The following NUP155 variants were observed in gnomAD, a reference collection of about 807,000 sequenced individuals.
NUP155 encodes the protein nuclear pore complex protein Nup155.
In NUP155, 71 loss-of-function variants were observed where a neutral mutation model predicts 180.4. The ratio of observed to expected loss-of-function variants is 0.39; its 90% CI spans 0.33 to 0.48. The LOEUF (loss-of-function observed/expected upper bound fraction) is 0.48, where lower values mean the gene tolerates loss of function less well. NUP155 is among the 20% of genes least tolerant of loss of function. The pLI is 0.91. For missense variants in NUP155, 1,553 were observed against 1,648.9 expected, an observed-to-expected ratio of 0.94 and a Z score of 1.01; for synonymous variants, 582 against 559.5, an observed-to-expected ratio of 1.04 and a Z score of -0.57.
chr5:37,303,351 G>C lies in NUP155; in HGVS notation c.3226C>G (p.Arg1076Gly). 6.2e-7 allele frequency: 1 copy of C among 1,613,918 alleles called. No homozygotes were observed. The highest frequency in any genetic ancestry group is 8.5e-7 in the Non-Finnish European group (1 of 1,179,876). ...TACCGCCAGAGTAAATCCATATAACGAACTCTGTTTTGATCAACTTTGGCC... is the reference window on the plus strand; with the variant it reads ...TACCGCCAGAGTAAATCCATATAACCAACTCTGTTTTGATCAACTTTGGCC... ...RMAKVDQNRV[R>G]YMDLLWRYYE... Residue 1076 changes from arginine (R) to glycine (G), a missense_variant, in exon 28 of 35, where the codon CGT becomes GGT. Transcript: ENST00000231498.
In NUP155 at chr5:37,358,163, T is replaced by C. The variant is rs1372009040; in HGVS notation, c.393-12A>G. ...AGGCAAGGTCTCCTCTGTGAATAAA[T>C]GAAGAAAAACATGTTACACATATAA... On this transcript the variant is annotated splice_polypyrimidine_tract_variant and intron_variant, in intron 3 of 34. Transcript: ENST00000231498. 4 of 1,598,728 alleles carry C rather than the reference T, an allele frequency of 2.5e-6. No homozygotes were observed. The highest frequency in any genetic ancestry group is 1.3e-5 in the African/African-American group (1 of 74,690).
chr5:37,354,129 T>C (rs1272645515), intron 4 of NUP155, among the ~76,000 whole-genome samples: 1 of 152,224 alleles, frequency 6.6e-6, no homozygotes, highest in Middle Eastern at 3.2e-3. Flanking sequence ...TTAGATTCTA[T>C]GTAAAGGACA....
rs546826801 is a variant in NUP155 at position 37,291,609 on chromosome 5, T to G, written c.*291A>C. On this transcript the variant is annotated 3_prime_UTR_variant, in exon 35 of 35. Coordinates refer to ENST00000231498, the MANE Select transcript of NUP155 (RefSeq NM_153485.3). ...AAAATGAATAATATAAATTCGAAAT[T>G]TCTGCCTGCAGTACAATTCAAAATA... 71 of 259,486 alleles carry G rather than the reference T, an allele frequency of 2.7e-4. No homozygotes were observed. Among genetic ancestry groups the G allele is most frequent in the Non-Finnish European group, 4.0e-4 (54 of 134,596 alleles). The allele number at this position is 259,486 out of a possible 1,614,324, so 16.1% of individuals were successfully genotyped here. A position where few individuals can be genotyped will look rare whatever the true frequency, so the allele number is the denominator to read the frequency against.
At chr5:37,318,176 T>TA (rs1744023522) in intron 20 of NUP155, 91 bp from the exon 21 acceptor site, 1 of 872,178 alleles carries the variant, frequency 1.1e-6, no homozygotes, top group African/African-American at 1.7e-5. Context: ...ATATGTTTAC[T>TA]TTTTTTAAAT....
At chr5:37,322,790 T>C (rs1018788847) in intron 20 of NUP155, among the ~76,000 whole-genome samples, 5 of 147,166 alleles carry the variant, frequency 3.4e-5, no homozygotes, top group Admixed American at 6.9e-5. Context: ...CTGGCCAACA[T>C]AGTGAAACTC....
At chr5:37,352,322 C>T (rs2111604880) in intron 5 of NUP155, among the ~76,000 whole-genome samples, 1 of 152,192 alleles carries the variant, frequency 6.6e-6, no homozygotes. Flanking sequence ...TGCACCACTA[C>T]ACTCCAGCCC....
intron 4 of NUP155, among the ~76,000 whole-genome samples, chr5:37,357,399 C>CA (rs397997409): frequency 0.37 from 11,471 of 31,378 alleles, 3,371 homozygotes; most frequent in Non-Finnish European, 0.41. Context: ...ACCTTAATCT[C>CA]AAAAAAAAAA....
chr5:37,332,168 C>CAAA lies in NUP155; in HGVS notation c.1519-376_1519-374dup, dbSNP rs11305356. ...TTGCTACTATTTATATCAATTTAGG[C>CAAA]AAAAAAAAAAAAAAAAAAAGCTAGA... On this transcript the variant is annotated intron_variant, in intron 13 of 34. Coordinates refer to ENST00000231498, the MANE Select transcript of NUP155 (RefSeq NM_153485.3). Among the ~76,000 whole-genome samples the CAAA allele has an allele frequency of 1.8e-3, 177 of 100,088 alleles. 1 individual carries two copies. The highest frequency in any genetic ancestry group is 5.6e-3 in the Admixed American group (51 of 9,154). 65.7% of individuals were successfully genotyped at this position (100,088 alleles called of 152,430 possible).
Position 37,365,732 on chromosome 5 carries a change from A to T in NUP155, c.158-1348T>A, listed in dbSNP as rs1312363664. 3.0e-3 allele frequency among the ~76,000 whole-genome samples: 161 copies of T among 52,984 alleles called. 6 individuals carry two copies. The highest frequency in any genetic ancestry group is 8.1e-3 in the African/African-American group (133 of 16,370). The allele number at this position is 52,984 out of a possible 152,430, so 34.8% of individuals were successfully genotyped here. A position where few individuals can be genotyped will look rare whatever the true frequency, so the allele number is the denominator to read the frequency against. ...CGGGGAGAAAAAAAAAAAAAAAAAA[A>T]AAAAAAATATATATATATATACACA... is the stretch of plus-strand genomic sequence containing the variant. On this transcript the variant is annotated intron_variant, in intron 1 of 34. Coordinates refer to ENST00000231498, the MANE Select transcript of NUP155 (RefSeq NM_153485.3).
rs1747518236 is a variant in NUP155, at chr5:37,365,711, G to GAAAAAAAAAAAAA, written c.158-1328_158-1327insTTTTTTTTTTTTT. ...TGACAGAGCAAGACTCTGTCTCGGG[G>GAAAAAAAAAAAAA]AGAAAAAAAAAAAAAAAAAAAAAAA... is the stretch of plus-strand genomic sequence containing the variant. On this transcript the variant is annotated intron_variant, in intron 1 of 34. Transcript: ENST00000231498. 1.2e-4 allele frequency among the ~76,000 whole-genome samples: 4 copies of GAAAAAAAAAAAAA among 34,004 alleles called. 2 individuals are homozygous for GAAAAAAAAAAAAA. Among genetic ancestry groups the GAAAAAAAAAAAAA allele is most frequent in the African/African-American group, 6.3e-4 (4 of 6,306 alleles). 22.3% of individuals were successfully genotyped at this position (34,004 alleles called of 152,430 possible).
At position 37,351,336 on chromosome 5, in the gene NUP155, T is replaced by C; in HGVS notation, c.577A>G (p.Ser193Gly). 1 of 1,612,050 alleles carries C rather than the reference T, an allele frequency of 6.2e-7. No individual in the cohort carries two copies. The highest frequency in any genetic ancestry group is 8.5e-7 in the Non-Finnish European group (1 of 1,178,320). ...LQTGSGVLND[S>G]LSGGMQLLPD... is the part of the protein sequence containing the mutation. ...AGCAACTGCATTCCACCAGACAAAC[T>C]ATCATTAAGAACTCCAGAACCTATT... is the stretch of plus-strand genomic sequence containing the variant. Residue 193 changes from serine to glycine, a missense_variant, in exon 6 of 35, where the codon AGT (serine) becomes GGT (glycine). Transcript: ENST00000231498.
At chr5:37,310,848 A>G in intron 22 of NUP155, 105 bp from the exon 23 acceptor site, 1 of 956,102 alleles carries the variant, frequency 1.0e-6, no homozygotes, top group Non-Finnish European at 1.5e-6. Context: ...AATAGACTCT[A>G]TAATTGAAAA....
chr5:37,314,783 G>A (rs752702496), intron 21 of NUP155, among the ~76,000 whole-genome samples: 9 of 151,820 alleles, frequency 5.9e-5, no homozygotes, highest in Non-Finnish European at 8.8e-5. Flanking sequence ...GAGCCTGGGC[G>A]ACAGAGCAAG....
At chr5:37,309,088 T>C (rs1743359925) in intron 24 of NUP155, 41 bp downstream of exon 24, 1 of 1,603,182 alleles carries the variant, frequency 6.2e-7, no homozygotes. Flanking sequence ...TGTTTGTCTT[T>C]TGAGTTGAGT....
At chr5:37,333,664 C>A in intron 12 of NUP155, 31 bp from the exon 13 acceptor site, 1 of 1,564,542 alleles carries the variant, frequency 6.4e-7, no homozygotes, top group Non-Finnish European at 8.8e-7. Flanking sequence ...TTTTATACAT[C>A]ATATTGAAGT....
chr5:37,308,827 C>G (rs973440396), intron 24 of NUP155, among the ~76,000 whole-genome samples: 1 of 142,682 alleles, frequency 7.0e-6, no homozygotes, highest in Admixed American at 7.4e-5. Flanking sequence ...ATGCAGTGAG[C>G]TGAGATCGTG....
chr5:37,363,084 G>A (rs981059557), intron 3 of NUP155, among the ~76,000 whole-genome samples: 10 of 152,118 alleles, frequency 6.6e-5, no homozygotes, highest in African/African-American at 2.2e-4. Context: ...GCTAATTTTT[G>A]TATTTTTAGT....
chr5:37,370,841 A>G lies in NUP155; in HGVS notation c.137T>C (p.Leu46Pro). 6.2e-7 allele frequency: 1 copy of G among 1,614,216 alleles called. No homozygotes were observed. Among genetic ancestry groups the G allele is most frequent in the Admixed American group, 1.7e-5 (1 of 60,018 alleles). The part of the protein sequence containing the change: ...EDRMYPDLSE[L>P]LMVSAPNNPT... ...CTCACTTGGGGCAGACACCATAAGC[A>G]GCTCGGAAAGGTCCGGGTACATGCG... Residue 46 changes from leucine to proline, a missense_variant, in exon 1 of 35, where the codon CTG (leucine) becomes CCG (proline). By Grantham distance (98) the Leu-to-Pro change is moderately conservative (BLOSUM62 -3). Transcript: ENST00000231498.
chr5:37,355,467 T>C (rs958229711), intron 4 of NUP155, among the ~76,000 whole-genome samples: 1 of 150,860 alleles, frequency 6.6e-6, no homozygotes, highest in Non-Finnish European at 1.5e-5. Context: ...CCAAGGTGAC[T>C]CCACTGTACT....
Sources: gnomAD v4.1 joint callset for allele counts (sites outside exome capture counted in the v4.1 genomes callset) on GRCh38, gnomAD v4.1.1 for gene constraint, MANE v1.5 for transcripts, NCBI Gene and HGNC (gene_info 2026-07-23, HGNC 2026-07-21) for gene names.